Variants in CAGE1 observed in about 807,000 individuals in gnomAD.
The protein encoded by CAGE1 is cancer-associated gene 1 protein.
In CAGE1, 66 loss-of-function variants were observed where a neutral mutation model predicts 94.9. That is an observed-to-expected ratio of 0.70 (90% CI 0.57 to 0.85). The LOEUF is 0.85. Among genes scored for constraint, CAGE1 ranks in the 40% least tolerant of loss-of-function variants. CAGE1 has a pLI of 0.00. For synonymous variants in CAGE1, 319 were observed against 321.0 expected (o/e 0.99, Z 0.07); for missense variants, 865 against 950.4 (o/e 0.91, Z 1.18).
At chr6:7,365,761 T>C in intron 8 of CAGE1, 43 bp downstream of exon 8, 3 of 1,364,422 alleles carry the variant, frequency 2.2e-6, no homozygotes, top group Non-Finnish European at 3.0e-6. Context: ...TGAAATTGTA[T>C]ATTTTTATGT....
intron 11 of CAGE1, among the ~76,000 whole-genome samples, chr6:7,345,323 A>G (rs566633016): frequency 6.6e-6 from 1 of 151,932 alleles, no homozygotes; most frequent in African/African-American, 2.4e-5. Flanking sequence ...AACCAGCGAG[A>G]CCACTAAACC....
chr6:7,328,582 C>A (rs539146674), intron 13 of CAGE1, among the ~76,000 whole-genome samples: 1 of 152,154 alleles, frequency 6.6e-6, no homozygotes, highest in African/African-American at 2.4e-5. Context: ...GAAGTAGAAC[C>A]ATGGTTAGTA....
intron 11 of CAGE1, among the ~76,000 whole-genome samples, chr6:7,350,198 G>A (rs1300459947): frequency 6.6e-6 from 1 of 152,092 alleles, no homozygotes; most frequent in African/African-American, 2.4e-5. Context: ...CGTCCAACAG[G>A]AAAATATCAC....
chr6:7,333,681 T>A (rs1758847841), intron 12 of CAGE1, among the ~76,000 whole-genome samples: 2 of 147,774 alleles, frequency 1.4e-5, no homozygotes, highest in African/African-American at 5.0e-5. Flanking sequence ...TATACATTTT[T>A]TTTTTGAGAC....
chr6:7,365,394 TA>T (rs746787880), intron 9 of CAGE1, 73 bp downstream of exon 9: 372 of 1,248,362 alleles, frequency 3.0e-4, no homozygotes, highest in Middle Eastern at 4.0e-4. Context: ...TGAAGGATGA[TA>T]ACTTCTTAAA....
intron 11 of CAGE1, among the ~76,000 whole-genome samples, chr6:7,349,840 G>A (rs1759699010): frequency 6.6e-6 from 1 of 151,530 alleles, no homozygotes; most frequent in Admixed American, 6.6e-5. Context: ...GCTGAGGCAG[G>A]AGAATCGCTT....
intron 12 of CAGE1, among the ~76,000 whole-genome samples, chr6:7,332,030 T>C (rs536528905): frequency 1.2e-4 from 18 of 152,336 alleles, no homozygotes; most frequent in African/African-American, 4.1e-4. Flanking sequence ...ACAGTCTCAA[T>C]TCATTAGGTA....
intron 11 of CAGE1, among the ~76,000 whole-genome samples, chr6:7,335,166 C>G (rs150044742): frequency 3.5e-4 from 53 of 152,288 alleles, no homozygotes; most frequent in African/African-American, 1.2e-3. Flanking sequence ...TCTGCCTCCC[C>G]CCTCTTATAA....
In CAGE1 at chr6:7,339,608, A is replaced by T. The variant is rs1561848526; in HGVS notation, c.2370-5518T>A. 1 of 696,284 alleles carries T rather than the reference A, an allele frequency of 1.4e-6. No individual in the cohort carries two copies. The allele number at this position is 696,284 out of a possible 1,614,324, so 43.1% of individuals were successfully genotyped here. ...CCGCTGAAAGGAAAGGCACTGTATCATTCTTATGCCTTTGTGTCCTCATAG... is the reference window on the plus strand; with the variant it reads ...CCGCTGAAAGGAAAGGCACTGTATCTTTCTTATGCCTTTGTGTCCTCATAG... On this transcript the variant is annotated intron_variant, in intron 11 of 13. Coordinates refer to ENST00000502583, the MANE Select transcript of CAGE1 (RefSeq NM_001170692.2). The surrounding 1 kb of genome is among the most constrained non-coding windows in gnomAD (Gnocchi z 4.7).
chr6:7,330,519 G>C (rs1353227376), intron 12 of CAGE1, among the ~76,000 whole-genome samples: 1 of 152,188 alleles, frequency 6.6e-6, no homozygotes, highest in Non-Finnish European at 1.5e-5. Flanking sequence ...TGAAGAACTA[G>C]AGGCAAAAAT....
At chr6:7,351,131 C>G (rs1759752560) in intron 11 of CAGE1, among the ~76,000 whole-genome samples, 1 of 151,882 alleles carries the variant, frequency 6.6e-6, no homozygotes, top group African/African-American at 2.4e-5. Flanking sequence ...CAACTGACAC[C>G]ACTGAAATAC....
intron 1 of CAGE1, among the ~76,000 whole-genome samples, chr6:7,388,718 GTCA>G (rs1761226234): frequency 6.6e-6 from 1 of 152,126 alleles, no homozygotes; most frequent in Admixed American, 6.6e-5. Context: ...TCAAACCTAT[GTCA>G]TCACTTGGTA....
At chr6:7,335,137 T>G (rs1758908416) in intron 11 of CAGE1, among the ~76,000 whole-genome samples, 1 of 152,194 alleles carries the variant, frequency 6.6e-6, no homozygotes, top group Non-Finnish European at 1.5e-5. Context: ...ACTCTTTATC[T>G]TCTGTCATCA....
At chr6:7,363,630 G>C (rs1760229695) in intron 9 of CAGE1, among the ~76,000 whole-genome samples, 1 of 152,146 alleles carries the variant, frequency 6.6e-6, no homozygotes, top group African/African-American at 2.4e-5. Flanking sequence ...CTGGTAGTTA[G>C]GTCTAGAAGC....
chr6:7,373,366 A>C lies in CAGE1; in HGVS notation c.1453T>G (p.Leu485Val), dbSNP rs373407949. 9.9e-6 allele frequency: 16 copies of C among 1,613,692 alleles called. No individual in the cohort carries two copies. In the African/African-American group the frequency reaches 1.9e-4, roughly 19 times the overall value. ...REKEAQEQEF[L>V]SLQEEFQKLE... ...TTCTGGAATTCCTCCTGTAAAGACA[A>C]GAACTCTTGTTCTTGGGCCTCTTTT... is the stretch of plus-strand genomic sequence containing the variant. Residue 485 changes from leucine (L) to valine (V), a missense_variant, in exon 5 of 14, where the codon TTG (leucine) becomes GTG (valine). By Grantham distance (32) the Leu-to-Val change is conservative. Transcript: ENST00000502583.
intron 9 of CAGE1, among the ~76,000 whole-genome samples, chr6:7,357,114 C>G (rs949836796): frequency 1.3e-5 from 2 of 152,082 alleles, no homozygotes; most frequent in Non-Finnish European, 2.9e-5. Context: ...TTCAAATATA[C>G]TTACATGTCT....
chr6:7,368,211 C>A (rs1190674348), intron 7 of CAGE1, among the ~76,000 whole-genome samples: 2 of 145,094 alleles, frequency 1.4e-5, no homozygotes, highest in African/African-American at 5.3e-5. Context: ...CAAGATCATG[C>A]CACTGCACTC....
chr6:7,386,986 A>G lies in CAGE1; in HGVS notation c.188T>C (p.Leu63Ser). 3 of 1,549,892 alleles carry G rather than the reference A, an allele frequency of 1.9e-6. No individual in the cohort carries two copies. Among genetic ancestry groups the G allele is most frequent in the Non-Finnish European group, 2.6e-6 (3 of 1,145,096 alleles). Residue 63 changes from leucine to serine, a missense_variant, in exon 2 of 14, where the codon TTG (leucine) becomes TCG (serine). Leu to Ser is a moderately radical substitution (Grantham distance 145). Coordinates refer to ENST00000502583, the MANE Select transcript of CAGE1 (RefSeq NM_001170692.2). ...CMETTGTTCD[L>S]PQNEIKNFER... ...CTTATAAGCAATGCACACCTGAGGCAAGTCACAAGTGGTGCCGGTGGTTTC... is the reference window on the plus strand; with the variant it reads ...CTTATAAGCAATGCACACCTGAGGCGAGTCACAAGTGGTGCCGGTGGTTTC...
At chr6:7,388,387 T>C (rs779289671) in intron 1 of CAGE1, among the ~76,000 whole-genome samples, 64 of 152,230 alleles carry the variant, frequency 4.2e-4, no homozygotes, top group Admixed American at 1.1e-3. Flanking sequence ...ATTCCTACAA[T>C]GTCTTCAGTC....
Sources: gnomAD v4.1 joint callset for allele counts (sites outside exome capture counted in the v4.1 genomes callset) on GRCh38, gnomAD v4.1.1 for gene constraint, Gnocchi (gnomAD v3.1) non-coding constraint, MANE v1.5 for transcripts, NCBI Gene and HGNC (gene_info 2026-07-23, HGNC 2026-07-21) for gene names.